The following USH2A variants were observed in gnomAD, a reference collection of about 807,000 sequenced individuals.
The protein encoded by USH2A is usherin, also known as Usher syndrome 2A (autosomal recessive, mild).
Under a neutral mutation model 538.9 loss-of-function variants are expected in USH2A, and 443 were observed. The observed-to-expected ratio is 0.82, with a 90% CI of 0.76 to 0.89. USH2A has a LOEUF of 0.89. USH2A is among the 40% of genes least tolerant of loss of function. The pLI is 0.00. For synonymous variants in USH2A, 2,413 were observed against 2,273.5 expected (o/e 1.06, Z -1.75); for missense variants, 6,633 against 6,324.8 (o/e 1.05, Z -1.65).
rs371702422 is a variant in USH2A at position 216,072,901 on chromosome 1, T to C, written c.5845A>G (p.Thr1949Ala). The C allele has an allele frequency of 7.4e-6, 12 of 1,613,766 alleles. No homozygotes were observed. The African/African-American group carries it at 1.3e-4, about 18-fold the overall frequency. ...GATAAGTATTTACCTGCTCCTGTTGTACGTCCTCGACTCCAATCACTATAT... is the reference window on the plus strand; with the variant it reads ...GATAAGTATTTACCTGCTCCTGTTGCACGTCCTCGACTCCAATCACTATAT... ...SVYSDWSRGR[T>A]TGAAPQSVPT... The change falls in exon 29 of 72, where the codon ACA (threonine) becomes GCA (alanine). Residue 1949 changes from threonine to alanine, a missense_variant. By Grantham distance (58) the Thr-to-Ala change is moderately conservative. Transcript: ENST00000307340.
At chr1:216,285,205 C>G (rs1035555865) in intron 11 of USH2A, among the ~76,000 whole-genome samples, 1 of 152,128 alleles carries the variant, frequency 6.6e-6, no homozygotes, top group African/African-American at 2.4e-5. Context: ...GCCTGGAGGC[C>G]TAGGAGGAAA....
rs140682217 is a variant in USH2A at position 216,015,273 on chromosome 1, C to T, written c.6326-14711G>A. ...CAAACCTAAGGGGTGATATGTTTCT[C>T]GTAGATGCCTGAAAAGCAATGAGCT... On this transcript the variant is annotated intron_variant, in intron 32 of 71. Transcript: ENST00000307340. 7.6e-4 allele frequency among the ~76,000 whole-genome samples: 116 copies of T among 152,256 alleles called. No homozygotes were observed. The Middle Eastern group carries it at 0.014, about 18-fold the overall frequency.
chr1:216,251,389 C>T (rs2102552449), intron 11 of USH2A, among the ~76,000 whole-genome samples: 1 of 147,932 alleles, frequency 6.8e-6, no homozygotes, highest in Admixed American at 6.8e-5. Flanking sequence ...TATGTAGAGA[C>T]TGAAAATAGA....
At chr1:216,164,610 A>T (rs1460189859) in intron 21 of USH2A, among the ~76,000 whole-genome samples, 2 of 152,164 alleles carry the variant, frequency 1.3e-5, no homozygotes, top group Non-Finnish European at 2.9e-5. Flanking sequence ...GAGAAATGAG[A>T]TGCAGAACAT....
At chr1:215,724,615 C>T (rs531664299) in intron 61 of USH2A, among the ~76,000 whole-genome samples, 2 of 152,126 alleles carry the variant, frequency 1.3e-5, no homozygotes, top group African/African-American at 4.8e-5. Flanking sequence ...TAAGTTTATA[C>T]AAAAATAAAA....
intron 61 of USH2A, among the ~76,000 whole-genome samples, chr1:215,683,019 T>C (rs1658288867): frequency 6.6e-6 from 1 of 152,050 alleles, no homozygotes; most frequent in Non-Finnish European, 1.5e-5. Flanking sequence ...CCACCGTGTG[T>C]GGCTAATTAA....
At chr1:216,307,679 C>G (rs535089280) in intron 9 of USH2A, among the ~76,000 whole-genome samples, 1 of 152,344 alleles carries the variant, frequency 6.6e-6, no homozygotes, top group South Asian at 2.1e-4. Flanking sequence ...CCCACTTCCA[C>G]TGGCAGTCCT....
At chr1:216,295,199 A>G (rs1385995775) in intron 9 of USH2A, among the ~76,000 whole-genome samples, 1 of 151,748 alleles carries the variant, frequency 6.6e-6, no homozygotes, top group African/African-American at 2.4e-5. Flanking sequence ...ACCAATATGG[A>G]TTTTTGTAAA....
At chr1:215,916,277 G>C (rs1399866273) in intron 38 of USH2A, among the ~76,000 whole-genome samples, 1 of 151,980 alleles carries the variant, frequency 6.6e-6, no homozygotes, top group Non-Finnish European at 1.5e-5. Flanking sequence ...TCTCAAGGTT[G>C]TCACTAGTGT....
At position 216,118,629 on chromosome 1, in the gene USH2A, A is replaced by G. The variant is rs570153350; in HGVS notation, c.4628-21416T>C. Among the ~76,000 whole-genome samples, 13 of 152,318 alleles carry G rather than the reference A, an allele frequency of 8.5e-5. No homozygotes were observed. The South Asian group carries it at 2.3e-3, about 27-fold the overall frequency. On this transcript the variant is annotated intron_variant, in intron 21 of 71. Transcript: ENST00000307340. ...GAAAAGACATGATCGCCACTCCAAG[A>G]GCTCAGAGTTTAAAAAGACAATACC...
chr1:216,291,957 T>C (rs1311648550), intron 10 of USH2A, among the ~76,000 whole-genome samples: 1 of 152,174 alleles, frequency 6.6e-6, no homozygotes, highest in Non-Finnish European at 1.5e-5. Flanking sequence ...AAAATCCTTT[T>C]CCTGAAAAGA....
intron 3 of USH2A, among the ~76,000 whole-genome samples, chr1:216,372,709 G>A (rs2038736959): frequency 6.6e-6 from 1 of 152,026 alleles, no homozygotes; most frequent in African/African-American, 2.4e-5. Flanking sequence ...TCTGCCAACA[G>A]TCTGATTTAT....
chr1:215,650,896 C>T (rs1657055071), intron 64 of USH2A, 95 bp from the exon 65 acceptor site: 1 of 1,352,576 alleles, frequency 7.4e-7, no homozygotes, highest in Non-Finnish European at 1.0e-6. Flanking sequence ...AAATTGGCAA[C>T]CAAAAGCAAC....
chr1:215,823,600 CT>C (rs1449150727), intron 47 of USH2A, among the ~76,000 whole-genome samples: 1 of 151,988 alleles, frequency 6.6e-6, no homozygotes, highest in Admixed American at 6.6e-5. Context: ...ACAAAGTTTT[CT>C]GTTAATCTTT....
chr1:215,710,637 T>G (rs1659314492), intron 61 of USH2A, among the ~76,000 whole-genome samples: 1 of 152,074 alleles, frequency 6.6e-6, no homozygotes, highest in Non-Finnish European at 1.5e-5. Context: ...AAACTACTCC[T>G]TAGACTACAG....
intron 41 of USH2A, among the ~76,000 whole-genome samples, chr1:215,887,596 T>A (rs2102459281): frequency 6.6e-6 from 1 of 152,390 alleles, no homozygotes; most frequent in Admixed American, 6.5e-5. Context: ...AAATAGCTTT[T>A]AATTTGTAGG....
intron 44 of USH2A, among the ~76,000 whole-genome samples, chr1:215,853,849 T>G (rs1664086214): frequency 6.6e-6 from 1 of 152,196 alleles, no homozygotes; most frequent in Non-Finnish European, 1.5e-5. Context: ...TGGATTTCAT[T>G]GTCCACATCA....
intron 71 of USH2A, among the ~76,000 whole-genome samples, chr1:215,627,445 C>CTTCTTTCCTTCCTTCT (rs1558027560): frequency 6.5e-4 from 51 of 78,736 alleles, no homozygotes; most frequent in Admixed American, 9.9e-4. Context: ...TCCTTCCTTC[C>CTTCTTTCCTTCCTTCT]TTCCTTCCTT....
intron 47 of USH2A, among the ~76,000 whole-genome samples, chr1:215,817,623 T>C (rs1382310172): frequency 1.3e-5 from 2 of 151,992 alleles, no homozygotes; most frequent in Non-Finnish European, 2.9e-5. Context: ...GGGAACACCA[T>C]GATGGGACTC....
Sources: gnomAD v4.1 joint callset for allele counts (sites outside exome capture counted in the v4.1 genomes callset) on GRCh38, gnomAD v4.1.1 for gene constraint, MANE v1.5 for transcripts, NCBI Gene and HGNC (gene_info 2026-07-23, HGNC 2026-07-21) for gene names.